The following JOSD1 variants were observed in gnomAD, a reference collection of about 807,000 sequenced individuals.
JOSD1 encodes josephin-1.
In JOSD1, 11 loss-of-function variants were observed where a neutral mutation model predicts 24.3. The ratio of observed to expected loss-of-function variants is 0.45; its 90% CI spans 0.29 to 0.75. The LOEUF is 0.75. Among genes scored for constraint, JOSD1 ranks in the 30% least tolerant of loss-of-function variants. The pLI is 0.11. For synonymous variants in JOSD1, 106 were observed against 93.8 expected, an observed-to-expected ratio of 1.13 and a Z score of -0.75; for missense variants, 184 against 253.5, an observed-to-expected ratio of 0.73 and a Z score of 1.86.
intron 2 of JOSD1, 43 bp downstream of exon 2, chr22:38,699,760 C>T: frequency 1.3e-6 from 2 of 1,589,264 alleles, no homozygotes; most frequent in South Asian, 1.1e-5. Context: ...CACAGAAATC[C>T]AGAAATATCA....
Position 38,700,254 on chromosome 22 carries a change from T to C in JOSD1, c.-267A>G. The C allele has an allele frequency of 8.8e-7, 1 of 1,142,104 alleles. No individual in the cohort carries two copies. The highest frequency in any genetic ancestry group is 3.0e-5 in the South Asian group (1 of 32,844). 70.7% of individuals were successfully genotyped at this position (1,142,104 alleles called of 1,614,324 possible). On this transcript the variant is annotated 5_prime_UTR_variant, in exon 2 of 5. It removes an upstream start codon present in the reference 5' UTR. Transcript: ENST00000683374. ...AAAGTGCAGAATTTAAAAAAACACATAAAATGTAAGACCTTGTTTCCGTTT... is the reference window on the plus strand; with the variant it reads ...AAAGTGCAGAATTTAAAAAAACACACAAAATGTAAGACCTTGTTTCCGTTT...
At chr22:38,697,297 A>G (rs765205788) in intron 2 of JOSD1, among the ~76,000 whole-genome samples, 2 of 152,222 alleles carry the variant, frequency 1.3e-5, no homozygotes, top group African/African-American at 2.4e-5. Context: ...TCAATATAAA[A>G]TACTCTACAC....
In JOSD1 at chr22:38,689,430, A is replaced by G; in HGVS notation, c.186-6T>C. ...CCATGGTGTTTGGAGACAACCTACC[A>G]ATGTGAAAAGAGGAGGGCTGAGACT... On this transcript the variant is annotated splice_polypyrimidine_tract_variant and splice_region_variant and intron_variant, in intron 2 of 4. Coordinates refer to ENST00000683374, the MANE Select transcript of JOSD1 (RefSeq NM_001360236.2). 1 of 1,614,112 alleles carries G rather than the reference A, an allele frequency of 6.2e-7. No individual in the cohort carries two copies. Among genetic ancestry groups the G allele is most frequent in the East Asian group, 2.2e-5 (1 of 44,890 alleles).
intron 2 of JOSD1, among the ~76,000 whole-genome samples, chr22:38,690,152 G>A (rs1331779201): frequency 6.6e-6 from 1 of 152,042 alleles, no homozygotes; most frequent in Non-Finnish European, 1.5e-5. Context: ...TCATAAACTT[G>A]TCAGGCCAGG....
chr22:38,699,522 C>T (rs1164665844), intron 2 of JOSD1, among the ~76,000 whole-genome samples: 2 of 152,198 alleles, frequency 1.3e-5, no homozygotes, highest in Admixed American at 6.5e-5. Context: ...AATGTGTCTT[C>T]ATCAGTAAAA....
chr22:38,695,084 G>A (rs901675410), intron 2 of JOSD1, among the ~76,000 whole-genome samples: 1 of 152,092 alleles, frequency 6.6e-6, no homozygotes, highest in African/African-American at 2.4e-5. Flanking sequence ...GAAGAGATGT[G>A]ACATCAGAAA....
rs933193078 is a variant in JOSD1, at chr22:38,700,893, G to A, written c.-725C>T. ...GCCGCCGGGACTGCTCGCCGCTGGC[G>A]GTCCCCTCACCGCAGCCGGCCGCCA... On this transcript the variant is annotated 5_prime_UTR_variant, in exon 1 of 5. Transcript: ENST00000683374. 1.4e-4 allele frequency: 134 copies of A among 984,510 alleles called. No individual in the cohort carries two copies. Among genetic ancestry groups the A allele is most frequent in the Middle Eastern group, 1.0e-3 (2 of 1,912 alleles). The allele number at this position is 984,510 out of a possible 1,614,324, so 61.0% of individuals were successfully genotyped here. A position where few individuals can be genotyped will look rare whatever the true frequency, so the allele number is the denominator to read the frequency against.
In JOSD1 at chr22:38,686,300, G is replaced by A. The variant is rs1238943066; in HGVS notation, c.*1602C>T. ...TCAACATGCACTCCAGTCACAGGGG[G>A]GAGAAAGCCCAGCTTCACCCCGTTA... On this transcript the variant is annotated 3_prime_UTR_variant, in exon 5 of 5. Transcript: ENST00000683374. The A allele has an allele frequency of 6.6e-6, 1 of 152,532 alleles. No individual in the cohort carries two copies. The allele number at this position is 152,532 out of a possible 1,614,324, so 9.4% of individuals were successfully genotyped here.
intron 2 of JOSD1, 58 bp downstream of exon 2, chr22:38,699,742 GCCC>G (rs2092559940): frequency 6.6e-7 from 1 of 1,510,086 alleles, no homozygotes; most frequent in Admixed American, 1.7e-5. Flanking sequence ...CTGAGACACT[GCCC>G]CACCCACAGA....
rs2145798574 is a variant in JOSD1 at position 38,685,881 on chromosome 22, CTT to C, written c.*2019_*2020del. On this transcript the variant is annotated 3_prime_UTR_variant, in exon 5 of 5. Transcript: ENST00000683374. ...AACCAGCCCTGAAATGTTTAAGCGT[CTT>C]TGCATATCCCATTGGCTCATGGACT... 1.3e-5 allele frequency: 2 copies of C among 152,762 alleles called. No individual in the cohort carries two copies. Among genetic ancestry groups the C allele is most frequent in the African/African-American group, 4.8e-5 (2 of 41,588 alleles). 9.5% of individuals were successfully genotyped at this position (152,762 alleles called of 1,614,324 possible). A position where few individuals can be genotyped will look rare whatever the true frequency, so the allele number is the denominator to read the frequency against.
At chr22:38,700,740 G>C (rs1053647487) in intron 1 of JOSD1, 60 bp downstream of exon 1, 1 of 981,692 alleles carries the variant, frequency 1.0e-6, no homozygotes, top group East Asian at 1.1e-4. Flanking sequence ...GGGTGGGGCC[G>C]GACAGTCAGC....
At chr22:38,692,507 A>G (rs545603576) in intron 2 of JOSD1, among the ~76,000 whole-genome samples, 15 of 152,230 alleles carry the variant, frequency 9.9e-5, no homozygotes, top group African/African-American at 3.1e-4. Flanking sequence ...TGCCAGGTGC[A>G]GTGGCTCACG....
intron 2 of JOSD1, 136 bp from the exon 3 acceptor site, chr22:38,689,560 A>T: frequency 8.9e-7 from 1 of 1,129,010 alleles, no homozygotes; most frequent in Non-Finnish European, 1.2e-6. Context: ...CAATTTCCCC[A>T]GCTTCTACCT....
chr22:38,699,998 T>C lies in JOSD1; in HGVS notation c.-11A>G. The C allele has an allele frequency of 6.3e-7, 1 of 1,584,284 alleles. No individual in the cohort carries two copies. The highest frequency in any genetic ancestry group is 8.6e-7 in the Non-Finnish European group (1 of 1,164,828). ...TGGCACACAACTCATGTTTTTTGTT[T>C]TAGGTTCCAGAGATGGCTATAAACA... On this transcript the variant is annotated 5_prime_UTR_variant, in exon 2 of 5. Transcript: ENST00000683374.
rs1018747450 is a variant in JOSD1, at chr22:38,691,039, A to G, written c.186-1615T>C. ...GGTGACAGAGTGAGACTCCGTCTCA[A>G]AAAACAAACCAACAAACAAAACAAA... On this transcript the variant is annotated intron_variant, in intron 2 of 4. Transcript: ENST00000683374. Among the ~76,000 whole-genome samples, 4 of 151,984 alleles carry G rather than the reference A, an allele frequency of 2.6e-5. No homozygotes were observed. The South Asian group carries it at 8.3e-4, about 32-fold the overall frequency.
In JOSD1 at chr22:38,699,859, G is replaced by A; in HGVS notation, c.129C>T (p.Asn43=). The change falls in exon 2 of 5, where the codon AAC becomes AAT. Residue 43 remains asparagine, a synonymous_variant. Coordinates refer to ENST00000683374, the MANE Select transcript of JOSD1 (RefSeq NM_001360236.2). Reference sequence around the variant, plus strand: ...TGAAGGCATTGCTGTCCTGGAAGACGTTATTGAGGGCGTGGAGGGCACAAA... The same window carrying A: ...TGAAGGCATTGCTGTCCTGGAAGACATTATTGAGGGCGTGGAGGGCACAAA... ...RELCALHALN[N]VFQDSNAFTR... The A allele has an allele frequency of 1.2e-6, 2 of 1,614,224 alleles. No individual in the cohort carries two copies. The highest frequency in any genetic ancestry group is 1.3e-5 in the African/African-American group (1 of 75,062).
intron 2 of JOSD1, among the ~76,000 whole-genome samples, chr22:38,694,553 T>C (rs1315357006): frequency 1.3e-5 from 2 of 151,920 alleles, no homozygotes; most frequent in Non-Finnish European, 2.9e-5. Context: ...AGCCATGAGA[T>C]GTGAAGTGAT....
At chr22:38,700,963 C>T, upstream of JOSD1, 1 of 984,918 alleles carries the variant, frequency 1.0e-6, no homozygotes, top group Non-Finnish European at 1.2e-6. Context: ...CGGGCGCGCG[C>T]ACCTGAGCCC....
At chr22:38,692,649 C>T (rs961612467) in intron 2 of JOSD1, among the ~76,000 whole-genome samples, 1 of 151,602 alleles carries the variant, frequency 6.6e-6, no homozygotes. Flanking sequence ...GGTGTGGTGG[C>T]AGGTGCCTGT....
Sources: allele counts gnomAD v4.1 joint callset (sites outside exome capture counted in the v4.1 genomes callset), GRCh38; gene constraint gnomAD v4.1.1; transcripts MANE v1.5; gene names NCBI Gene and HGNC (gene_info 2026-07-23, HGNC 2026-07-21).